Variants in GRIK1 observed in about 807,000 individuals in gnomAD.
GRIK1 encodes the protein glutamate ionotropic receptor kainate type subunit 1.
In GRIK1, 69 loss-of-function variants were observed where a neutral mutation model predicts 105.7. That is an observed-to-expected ratio of 0.65 (90% CI 0.54 to 0.80). The LOEUF is 0.80. Among genes scored for constraint, GRIK1 ranks in the 30% least tolerant of loss-of-function variants. GRIK1 has a pLI of 0.00. For synonymous variants in GRIK1, 438 were observed against 431.3 expected, an observed-to-expected ratio of 1.02 and a Z score of -0.19; for missense variants, 1,109 against 1,167.3, an observed-to-expected ratio of 0.95 and a Z score of 0.73.
At chr21:29,830,126 A>G (rs754839020) in intron 1 of GRIK1, among the ~76,000 whole-genome samples, 1 of 151,958 alleles carries the variant, frequency 6.6e-6, no homozygotes. Flanking sequence ...GGCTTGGAAA[A>G]TCTACACATA....
At chr21:29,779,377 C>A in intron 1 of GRIK1, among the ~76,000 whole-genome samples, 1 of 146,060 alleles carries the variant, frequency 6.8e-6, no homozygotes, top group African/African-American at 2.6e-5. Context: ...TGTGTGTGTG[C>A]ATGTGTTTGG....
chr21:29,596,453 AG>A lies in GRIK1; in HGVS notation c.1251+72del, dbSNP rs2061414727. 3 of 975,794 alleles carry A rather than the reference AG, an allele frequency of 3.1e-6. No individual in the cohort carries two copies. In the African/African-American group the frequency reaches 4.8e-5, roughly 16 times the overall value. 60.4% of individuals were successfully genotyped at this position (975,794 alleles called of 1,614,324 possible). On this transcript the variant is annotated intron_variant, in intron 9 of 17. Coordinates refer to ENST00000327783, the MANE Select transcript of GRIK1 (RefSeq NM_001330994.2). ...GAGCTACAGGTCTGGTAACATTGGA[AG>A]GGCACAGGCCTTTCCAATGACATTC...
At chr21:29,938,298 G>A (rs1355841564) in intron 1 of GRIK1, among the ~76,000 whole-genome samples, 2 of 152,232 alleles carry the variant, frequency 1.3e-5, no homozygotes, top group East Asian at 3.9e-4. Context: ...GGTTGAAAGT[G>A]GAAGATGGGA....
chr21:29,541,575 CTTT>C (rs34910439), intron 16 of GRIK1, among the ~76,000 whole-genome samples: 48,426 of 95,540 alleles, frequency 0.51, 9,306 homozygotes, highest in Middle Eastern at 0.64. Context: ...CACTCACGGT[CTTT>C]TTTTTTTTTT....
At chr21:29,770,243 A>G (rs1466485617) in intron 1 of GRIK1, among the ~76,000 whole-genome samples, 1 of 152,182 alleles carries the variant, frequency 6.6e-6, no homozygotes, top group Non-Finnish European at 1.5e-5. Flanking sequence ...AGATTGTGTC[A>G]CCCATCGTGC....
intron 1 of GRIK1, among the ~76,000 whole-genome samples, chr21:29,814,084 T>C (rs1048480454): frequency 1.4e-5 from 2 of 147,256 alleles, no homozygotes; most frequent in Non-Finnish European, 3.0e-5. Context: ...CTGGCTAATA[T>C]ATATATATAA....
rs551595182 is a variant in GRIK1, at chr21:29,674,926, T to C, written c.545-1762A>G. ...CTTGCTCCTTTTCAAATCAGTCAACTGAAGTCCCTCAGGTACTTATAATCA... is the reference window on the plus strand; with the variant it reads ...CTTGCTCCTTTTCAAATCAGTCAACCGAAGTCCCTCAGGTACTTATAATCA... On this transcript the variant is annotated intron_variant, in intron 3 of 17. Coordinates refer to ENST00000327783, the MANE Select transcript of GRIK1 (RefSeq NM_001330994.2). Among the ~76,000 whole-genome samples, 5 of 152,332 alleles carry C rather than the reference T, an allele frequency of 3.3e-5. No homozygotes were observed. In the South Asian group the frequency reaches 8.3e-4, roughly 25 times the overall value.
At chr21:29,776,245 T>G (rs2065941087) in intron 1 of GRIK1, among the ~76,000 whole-genome samples, 1 of 152,234 alleles carries the variant, frequency 6.6e-6, no homozygotes, top group African/African-American at 2.4e-5. Context: ...GTGGGGACAC[T>G]GCCAAACCAT....
intron 1 of GRIK1, among the ~76,000 whole-genome samples, chr21:29,915,463 G>T (rs992789724): frequency 6.6e-6 from 1 of 151,940 alleles, no homozygotes; most frequent in Admixed American, 6.6e-5. Flanking sequence ...TAGGCACAAC[G>T]CTTTAGTATA....
intron 1 of GRIK1, among the ~76,000 whole-genome samples, chr21:29,886,114 G>A (rs796332474): frequency 2.6e-5 from 4 of 152,196 alleles, no homozygotes; most frequent in African/African-American, 9.6e-5. Context: ...CCTCCCAAAT[G>A]ACACAAGAGT....
At chr21:29,766,777 AG>A (rs2065677830) in intron 1 of GRIK1, among the ~76,000 whole-genome samples, 1 of 152,222 alleles carries the variant, frequency 6.6e-6, no homozygotes, top group Admixed American at 6.5e-5. Context: ...CTTCTCCCCC[AG>A]GGCCGCATGT....
At chr21:29,560,574 T>TCTC (rs2090450222) in intron 15 of GRIK1, among the ~76,000 whole-genome samples, 13 of 124,180 alleles carry the variant, frequency 1.0e-4, no homozygotes, top group African/African-American at 5.2e-4. Context: ...CTTTCTTTCT[T>TCTC]TCTCTCTTTC....
chr21:29,549,140 T>G (rs959502303), intron 16 of GRIK1, among the ~76,000 whole-genome samples: 31 of 152,180 alleles, frequency 2.0e-4, no homozygotes, highest in Admixed American at 4.6e-4. Flanking sequence ...TGTTCAATCT[T>G]TTAATGCCTC....
intron 1 of GRIK1, among the ~76,000 whole-genome samples, chr21:29,937,278 A>G (rs1260457686): frequency 1.3e-5 from 2 of 152,228 alleles, no homozygotes; most frequent in Admixed American, 1.3e-4. Context: ...CCTTAGGTGC[A>G]TACGGGGCAA....
In GRIK1 at chr21:29,904,325, A is replaced by T. The variant is rs558188184; in HGVS notation, c.118+35058T>A. 5.3e-3 allele frequency among the ~76,000 whole-genome samples: 800 copies of T among 151,788 alleles called. 4 individuals are homozygous for T. Among genetic ancestry groups the T allele is most frequent in the Admixed American group, 7.6e-3 (116 of 15,256 alleles). ...TTGTGGACACTTTTTTTTGGGAAAA[A>T]AAAGGACTCAAATAACCTAAATTTG... On this transcript the variant is annotated intron_variant, in intron 1 of 17. Coordinates refer to ENST00000327783, the MANE Select transcript of GRIK1 (RefSeq NM_001330994.2).
At chr21:29,856,752 G>C (rs2068476494) in intron 1 of GRIK1, among the ~76,000 whole-genome samples, 1 of 152,174 alleles carries the variant, frequency 6.6e-6, no homozygotes. Flanking sequence ...AAATGATGTA[G>C]AGTGATAGGA....
intron 1 of GRIK1, among the ~76,000 whole-genome samples, chr21:29,744,874 T>G (rs1213133949): frequency 6.6e-6 from 1 of 151,682 alleles, no homozygotes; most frequent in African/African-American, 2.4e-5. Flanking sequence ...GGAGACACTT[T>G]GACCTGTATT....
chr21:29,599,663 C>G (rs2061480781), intron 7 of GRIK1, among the ~76,000 whole-genome samples: 3 of 152,156 alleles, frequency 2.0e-5, no homozygotes, highest in Admixed American at 2.0e-4. Flanking sequence ...CCAATCTCTG[C>G]CTCAGTGGTC....
At chr21:29,630,845 G>A (rs1195866895) in intron 7 of GRIK1, 2 of 344,896 alleles carry the variant, frequency 5.8e-6, no homozygotes, top group Non-Finnish European at 1.1e-5. Context: ...TGTCACCTAG[G>A]CTGGAGTGCA....
Sources: gnomAD v4.1 joint callset for allele counts (sites outside exome capture counted in the v4.1 genomes callset) on GRCh38, gnomAD v4.1.1 for gene constraint, MANE v1.5 for transcripts, NCBI Gene and HGNC (gene_info 2026-07-23, HGNC 2026-07-21) for gene names.